The following PCED1B variants were observed in gnomAD, a reference collection of about 807,000 sequenced individuals.
PCED1B encodes the protein PC-esterase domain-containing protein 1B.
For synonymous variants in PCED1B, 251 were observed against 246.1 expected (o/e 1.02, Z -0.19); for missense variants, 573 against 573.9 (o/e 1.00, Z 0.02).
intron 2 of PCED1B, among the ~76,000 whole-genome samples, chr12:47,167,688 G>A (rs565816424): frequency 2.2e-3 from 331 of 152,262 alleles, no homozygotes; most frequent in South Asian, 0.011. Flanking sequence ...CCATGGAATC[G>A]ATCGAATTAC....
At chr12:47,226,922 A>T (rs534005579) in intron 3 of PCED1B, among the ~76,000 whole-genome samples, 57 of 152,126 alleles carry the variant, frequency 3.7e-4, no homozygotes, top group Non-Finnish European at 4.4e-4. Flanking sequence ...CATTTTTTTT[A>T]AATTAGAGAA....
At chr12:47,132,692 A>G (rs17097633) in intron 2 of PCED1B, among the ~76,000 whole-genome samples, 17,476 of 152,156 alleles carry the variant, frequency 0.11, 1,886 homozygotes, top group African/African-American at 0.29. Context: ...TTAGAAGGAA[A>G]ACTGGAGGGA....
At chr12:47,174,636 A>G (rs1247331767) in intron 2 of PCED1B, among the ~76,000 whole-genome samples, 2 of 152,118 alleles carry the variant, frequency 1.3e-5, no homozygotes, top group East Asian at 3.9e-4. Flanking sequence ...TACCTTTTTT[A>G]TTCCCATGCC....
At chr12:47,157,805 C>T (rs899771150) in intron 2 of PCED1B, among the ~76,000 whole-genome samples, 7 of 152,274 alleles carry the variant, frequency 4.6e-5, no homozygotes, top group African/African-American at 1.7e-4. Context: ...ACTCTCCATT[C>T]CCCACTTCTG....
intron 2 of PCED1B, among the ~76,000 whole-genome samples, chr12:47,140,617 T>C (rs1331806711): frequency 6.6e-6 from 1 of 152,230 alleles, no homozygotes; most frequent in Admixed American, 6.5e-5. Context: ...ATTGAAATAC[T>C]AATGATTTGC....
intron 2 of PCED1B, among the ~76,000 whole-genome samples, chr12:47,129,968 T>C (rs978681403): frequency 2.6e-5 from 4 of 152,236 alleles, no homozygotes; most frequent in Admixed American, 6.5e-5. Context: ...TCTTGAGTTC[T>C]GCCCAAAGAA....
rs143193176 is a variant in PCED1B at position 47,163,392 on chromosome 12, T to A, written c.-525-52830T>A. On this transcript the variant is annotated intron_variant, in intron 2 of 3. Transcript: ENST00000546455. ...TCTACTTTTTTCTTTCTGATTTGGA[T>A]GTCTTTTATGTCTTTTTCTTGCCTA... 3.3e-3 allele frequency among the ~76,000 whole-genome samples: 510 copies of A among 152,336 alleles called. 8 individuals carry two copies. The South Asian group carries it at 0.04, about 12-fold the overall frequency.
intron 2 of PCED1B, among the ~76,000 whole-genome samples, chr12:47,212,977 A>T (rs1001544816): frequency 6.6e-6 from 1 of 152,218 alleles, no homozygotes; most frequent in Non-Finnish European, 1.5e-5. Flanking sequence ...AAACATAAGA[A>T]TTCTAAGAAT....
chr12:47,227,395 A>T (rs1401064359), intron 3 of PCED1B, among the ~76,000 whole-genome samples: 1 of 149,520 alleles, frequency 6.7e-6, no homozygotes, highest in Non-Finnish European at 1.5e-5. Context: ...TTGGTCTTGA[A>T]CTCCTGACCC....
chr12:47,087,920 C>A (rs1045880962), intron 1 of PCED1B, among the ~76,000 whole-genome samples: 1 of 152,134 alleles, frequency 6.6e-6, no homozygotes, highest in African/African-American at 2.4e-5. Context: ...TACCAAGGAA[C>A]TGAAACACCT....
intron 3 of PCED1B, among the ~76,000 whole-genome samples, chr12:47,229,274 C>T (rs1481694480): frequency 2.6e-5 from 4 of 151,768 alleles, no homozygotes; most frequent in South Asian, 2.1e-4. Flanking sequence ...CTTAGCTGGG[C>T]GTGGTGGTGC....
At chr12:47,100,874 C>G (rs551913938) in intron 1 of PCED1B, among the ~76,000 whole-genome samples, 2 of 152,154 alleles carry the variant, frequency 1.3e-5, no homozygotes, top group African/African-American at 4.8e-5. Context: ...TCGAGACCAG[C>G]CTGGCCAGTA....
At chr12:47,183,040 G>A (rs1253540276) in intron 2 of PCED1B, among the ~76,000 whole-genome samples, 2 of 151,680 alleles carry the variant, frequency 1.3e-5, no homozygotes, top group African/African-American at 2.4e-5. Context: ...ATGATTCAAA[G>A]GATGATTTTT....
chr12:47,201,236 T>G (rs141524641), intron 2 of PCED1B, among the ~76,000 whole-genome samples: 325 of 152,332 alleles, frequency 2.1e-3, no homozygotes, highest in Non-Finnish European at 2.8e-3. Flanking sequence ...CGGTTCCAGG[T>G]GCAGGGGCTT....
At chr12:47,229,074 T>C (rs1022589705) in intron 3 of PCED1B, among the ~76,000 whole-genome samples, 3 of 151,914 alleles carry the variant, frequency 2.0e-5, no homozygotes, top group Non-Finnish European at 4.4e-5. Context: ...ATTTTGAAAC[T>C]TCTTAAGTAT....
chr12:47,197,813 A>G (rs1433550781), intron 2 of PCED1B, among the ~76,000 whole-genome samples: 1 of 152,140 alleles, frequency 6.6e-6, no homozygotes, highest in African/African-American at 2.4e-5. Context: ...ACCATTTCCT[A>G]GAAGGACACA....
chr12:47,126,061 T>C (rs1939875451), intron 2 of PCED1B, among the ~76,000 whole-genome samples: 1 of 152,054 alleles, frequency 6.6e-6, no homozygotes, highest in South Asian at 2.1e-4. Context: ...GTGGTAAGAG[T>C]GAACTGTCTT....
chr12:47,171,267 A>G (rs773287600), intron 2 of PCED1B, among the ~76,000 whole-genome samples: 1 of 152,042 alleles, frequency 6.6e-6, no homozygotes, highest in Non-Finnish European at 1.5e-5. Context: ...GGGTTTCTCC[A>G]TATTAGTCAG....
intron 2 of PCED1B, among the ~76,000 whole-genome samples, chr12:47,130,008 T>C (rs1940057189): frequency 6.6e-6 from 1 of 152,246 alleles, no homozygotes; most frequent in Non-Finnish European, 1.5e-5. Flanking sequence ...TCTGACTTCC[T>C]TGTTCCCTTT....
Sources: gnomAD v4.1 joint callset for allele counts (sites outside exome capture counted in the v4.1 genomes callset) on GRCh38, gnomAD v4.1.1 for gene constraint, MANE v1.5 for transcripts, NCBI Gene and HGNC (gene_info 2026-07-23, HGNC 2026-07-21) for gene names.